The following ZNF512 variants were observed in gnomAD, a reference collection of about 807,000 sequenced individuals.
ZNF512 encodes the protein zinc finger protein 512.
A neutral mutation model predicts 77.5 loss-of-function variants in ZNF512; 25 were observed. That is an observed-to-expected ratio of 0.32 (90% CI 0.23 to 0.45). The LOEUF is 0.45. Among genes scored for constraint, ZNF512 ranks in the 20% least tolerant of loss-of-function variants. The probability of loss-of-function intolerance (pLI) is 1.00; values close to 1 mark genes in which losing one functional copy is unlikely to be tolerated. For missense variants in ZNF512, 483 were observed against 692.6 expected, an observed-to-expected ratio of 0.70 and a Z score of 3.40; for synonymous variants, 246 against 239.9, an observed-to-expected ratio of 1.03 and a Z score of -0.24.
In ZNF512 at chr2:27,598,137, G is replaced by A. The variant is rs773659283; in HGVS notation, c.160G>A (p.Gly54Ser). The A allele has an allele frequency of 3.7e-6, 6 of 1,613,972 alleles. No individual in the cohort carries two copies. In the African/African-American group the frequency reaches 5.3e-5, roughly 14 times the overall value. Residue 54 changes from glycine (G) to serine (S), a missense_variant, in exon 3 of 14, where the codon GGT (glycine) becomes AGT (serine). Around this residue, in one of 2 missense-constraint regions of ZNF512, gnomAD observed 159 missense variants for 167.5 expected, o/e 0.95. Transcript: ENST00000355467. ...YTIPHDDSLS[G>S]SSSASSCEPV... ...TATCCCTCATGATGACTCCTTAAGT[G>A]GTTCATCGTCTGCATCTTCGTGTGA... is the stretch of plus-strand genomic sequence containing the variant.
At position 27,621,663 on chromosome 2, in the gene ZNF512, A is replaced by G. The variant is rs1673130118; in HGVS notation, c.*202A>G. On this transcript the variant is annotated 3_prime_UTR_variant, in exon 14 of 14. Transcript: ENST00000355467. ...TCCCCTTTTAGTAGGTTTTCCTGCTATTCCTCGTCAAGTCCTCTTGTTTTT... is the reference window on the plus strand; with the variant it reads ...TCCCCTTTTAGTAGGTTTTCCTGCTGTTCCTCGTCAAGTCCTCTTGTTTTT... 1.8e-6 allele frequency: 1 copy of G among 556,772 alleles called. No homozygotes were observed. The highest frequency in any genetic ancestry group is 3.1e-6 in the Non-Finnish European group (1 of 326,352). The allele number at this position is 556,772 out of a possible 1,614,324, so 34.5% of individuals were successfully genotyped here.
At chr2:27,608,906 C>T (rs913497825) in intron 10 of ZNF512, among the ~76,000 whole-genome samples, 5 of 151,772 alleles carry the variant, frequency 3.3e-5, no homozygotes, top group African/African-American at 4.8e-5. Flanking sequence ...GTCAAGAGAT[C>T]GAGACCATCC....
At chr2:27,616,407 C>T in intron 12 of ZNF512, 83 bp downstream of exon 12, 2 of 1,070,798 alleles carry the variant, frequency 1.9e-6, no homozygotes, top group Admixed American at 1.8e-5. Context: ...AGGTGAACAG[C>T]TAGTTGTCCT....
intron 2 of ZNF512, among the ~76,000 whole-genome samples, chr2:27,585,335 T>G (rs1436271263): frequency 6.6e-6 from 1 of 152,244 alleles, no homozygotes; most frequent in Non-Finnish European, 1.5e-5. Context: ...TTCCACAAGC[T>G]GAGAGTTTTA....
At position 27,603,129 on chromosome 2, in the gene ZNF512, C is replaced by T; in HGVS notation, c.769-11C>T. The T allele has an allele frequency of 1.2e-6, 2 of 1,613,680 alleles. No homozygotes were observed. Among genetic ancestry groups the T allele is most frequent in the East Asian group, 2.2e-5 (1 of 44,874 alleles). Reference sequence around the variant, plus strand: ...GTAAGATTATAGTTTAGGCTTCTCTCCTCTGTTCAGAGTTGCTCCAGTAGC... The same window carrying T: ...GTAAGATTATAGTTTAGGCTTCTCTTCTCTGTTCAGAGTTGCTCCAGTAGC... On this transcript the variant is annotated splice_polypyrimidine_tract_variant and intron_variant, in intron 8 of 13. Transcript: ENST00000355467.
At chr2:27,603,337 G>C in intron 9 of ZNF512, 30 bp downstream of exon 9, 1 of 1,608,774 alleles carries the variant, frequency 6.2e-7, no homozygotes, top group Non-Finnish European at 8.5e-7. Flanking sequence ...TATACCCTGC[G>C]TGGGGATGTA....
At position 27,601,409 on chromosome 2, in the gene ZNF512, G is replaced by C. The variant is rs779164238; in HGVS notation, c.636G>C (p.Met212Ile). Residue 212 changes from methionine to isoleucine, a missense_variant, in exon 7 of 14, where the codon ATG (methionine) becomes ATC (isoleucine). Transcript: ENST00000355467. ...AACAACTTCGTTCACTGGCAGGGAT[G>C]AAGTATCATGTCATGGCAAATCATA... The part of the protein sequence containing the change: ...CGKQLRSLAG[M>I]KYHVMANHNS... 1.2e-6 allele frequency: 2 copies of C among 1,613,836 alleles called. No individual in the cohort carries two copies. Among genetic ancestry groups the C allele is most frequent in the Non-Finnish European group, 1.7e-6 (2 of 1,179,968 alleles).
At chr2:27,603,930 T>C (rs1353922261) in intron 9 of ZNF512, among the ~76,000 whole-genome samples, 2 of 150,590 alleles carry the variant, frequency 1.3e-5, no homozygotes, top group African/African-American at 4.9e-5. Flanking sequence ...TTAATTTATG[T>C]ATTTATATAT....
intron 10 of ZNF512, among the ~76,000 whole-genome samples, chr2:27,610,744 C>A (rs149883040): frequency 2.0e-5 from 3 of 150,268 alleles, no homozygotes; most frequent in Admixed American, 6.6e-5. Flanking sequence ...CCATGCCTGG[C>A]TAATTTTTTG....
chr2:27,591,289 G>C (rs763853461), intron 2 of ZNF512, among the ~76,000 whole-genome samples: 2 of 152,074 alleles, frequency 1.3e-5, no homozygotes, highest in Non-Finnish European at 2.9e-5. Context: ...TTTGATACAG[G>C]CATACAATGT....
intron 6 of ZNF512, 142 bp from the exon 7 acceptor site, chr2:27,601,214 C>A: frequency 1.6e-6 from 1 of 620,750 alleles, no homozygotes; most frequent in Non-Finnish European, 2.7e-6. Context: ...AGACATGACA[C>A]TGAGTTTCTG....
At position 27,621,561 on chromosome 2, in the gene ZNF512, G is replaced by A. The variant is rs1167395641; in HGVS notation, c.*100G>A. On this transcript the variant is annotated 3_prime_UTR_variant, in exon 14 of 14. Transcript: ENST00000355467. ...AGTGAAGATTCTTTCAGCTGTTTGT[G>A]TAAGGCTGTGACTTTCTCAGCTCCT... 3.9e-6 allele frequency: 5 copies of A among 1,290,374 alleles called. No homozygotes were observed. Among genetic ancestry groups the A allele is most frequent in the Non-Finnish European group, 5.2e-6 (5 of 962,930 alleles). 79.9% of individuals were successfully genotyped at this position (1,290,374 alleles called of 1,614,324 possible).
intron 10 of ZNF512, among the ~76,000 whole-genome samples, chr2:27,608,291 A>C (rs531099117): frequency 6.6e-6 from 1 of 152,268 alleles, no homozygotes; most frequent in African/African-American, 2.4e-5. Context: ...CTGAATTCTT[A>C]GATTAGATAT....
intron 10 of ZNF512, among the ~76,000 whole-genome samples, chr2:27,611,887 G>A (rs1454949531): frequency 6.6e-6 from 1 of 151,902 alleles, no homozygotes; most frequent in Non-Finnish European, 1.5e-5. Flanking sequence ...TGGTAGAGAC[G>A]GGGTTTCACC....
chr2:27,586,472 C>T (rs566131566), intron 2 of ZNF512, among the ~76,000 whole-genome samples: 2 of 151,904 alleles, frequency 1.3e-5, no homozygotes, highest in African/African-American at 4.9e-5. Context: ...TCAGGCAGTT[C>T]GCCCATCTTG....
intron 10 of ZNF512, among the ~76,000 whole-genome samples, chr2:27,611,663 A>C (rs1672670150): frequency 1.3e-5 from 2 of 151,618 alleles, no homozygotes; most frequent in South Asian, 4.1e-4. Context: ...TTGCCTTCTT[A>C]GATTAGCATC....
intron 13 of ZNF512, among the ~76,000 whole-genome samples, chr2:27,618,595 G>C (rs1447841964): frequency 3.9e-5 from 6 of 152,182 alleles, no homozygotes. Flanking sequence ...TTCAGCAAAA[G>C]AAAGAAGGAG....
intron 10 of ZNF512, among the ~76,000 whole-genome samples, chr2:27,608,402 C>T (rs1672460318): frequency 6.6e-6 from 1 of 152,118 alleles, no homozygotes; most frequent in Non-Finnish European, 1.5e-5. Context: ...ACTCCTCTCC[C>T]CCGCTTTTTT....
At position 27,621,410 on chromosome 2, in the gene ZNF512, G is replaced by C. The variant is rs151081069; in HGVS notation, c.1653G>C (p.Gln551His). 6.6e-5 allele frequency: 106 copies of C among 1,613,650 alleles called. No individual in the cohort carries two copies. The highest frequency in any genetic ancestry group is 8.6e-5 in the Non-Finnish European group (102 of 1,180,022). The change falls in exon 14 of 14, where the codon CAG becomes CAC. Residue 551 changes from glutamine (Q) to histidine (H), a missense_variant. By Grantham distance (24) the Gln-to-His change is conservative. Coordinates refer to ENST00000355467, the MANE Select transcript of ZNF512 (RefSeq NM_032434.4). ...KEPEQEPVPA[Q>H]FQKVKPPKTN... ...CAGAGCAGGAGCCAGTGCCAGCACA[G>C]TTCCAGAAAGTAAAGCCCCCAAAGA...
Sources: allele counts gnomAD v4.1 joint callset (sites outside exome capture counted in the v4.1 genomes callset), GRCh38; gene constraint gnomAD v4.1.1; regional missense constraint gnomAD v4.1.1; transcripts MANE v1.5; gene names NCBI Gene and HGNC (gene_info 2026-07-23, HGNC 2026-07-21).